CELSR2: variants seen among roughly 807,000 people sequenced by gnomAD.
CELSR2 encodes cadherin EGF LAG seven-pass G-type receptor 2, also known as EGF-like protein 2.
Under a neutral mutation model 251.6 loss-of-function variants are expected in CELSR2, and 81 were observed. The observed-to-expected ratio is 0.32, with a 90% CI of 0.27 to 0.39. CELSR2 has a LOEUF of 0.39. CELSR2 is among the 10% of genes least tolerant of loss of function. CELSR2 has a pLI of 1.00. For synonymous variants in CELSR2, 1,721 were observed against 1,670.5 expected (o/e 1.03, Z -0.74); for missense variants, 3,365 against 3,947.7 (o/e 0.85, Z 3.96).
intron 1 of CELSR2, among the ~76,000 whole-genome samples, chr1:109,256,695 A>G (rs1655857662): frequency 6.6e-6 from 1 of 152,082 alleles, no homozygotes. Flanking sequence ...AGGCTGGAGT[A>G]CAATGGCGCG....
At position 109,268,931 on chromosome 1, in the gene CELSR2, C is replaced by T. The variant is rs1487523107; in HGVS notation, c.6554C>T (p.Pro2185Leu). ...GGGAACTTTGCTGGGGCCAAGCTGCCCCGCTACGAGGCCCTGCGTGGGGAG... is the reference window on the plus strand; with the variant it reads ...GGGAACTTTGCTGGGGCCAAGCTGCTCCGCTACGAGGCCCTGCGTGGGGAG... The part of the protein sequence containing the change: ...DKGNFAGAKL[P>L]RYEALRGEQP... Residue 2185 changes from proline to leucine, a missense_variant, in exon 19 of 34, where the codon CCC becomes CTC. Transcript: ENST00000271332. The T allele has an allele frequency of 6.2e-7, 1 of 1,613,476 alleles. No homozygotes were observed. The highest frequency in any genetic ancestry group is 8.5e-7 in the Non-Finnish European group (1 of 1,179,534).
rs779546356 is a variant in CELSR2 at position 109,250,185 on chromosome 1, C to A, written c.106C>A (p.Pro36Thr). The change falls in exon 1 of 34, where the codon CCC becomes ACC. Residue 36 changes from proline to threonine, a missense_variant. Physicochemically the swap from Pro to Thr is conservative, Grantham distance 38 (BLOSUM62 -1). Transcript: ENST00000271332. The surrounding 1 kb of genome is among the most constrained non-coding windows in gnomAD (Gnocchi z 4.4). ...PPPLLGDQVG[P>T]CRSLGSRGRG... is the part of the protein sequence containing the mutation. ...GCCACTATTGGGAGACCAAGTGGGGCCCTGTCGTTCCTTGGGGTCCAGGGG... is the reference window on the plus strand; with the variant it reads ...GCCACTATTGGGAGACCAAGTGGGGACCTGTCGTTCCTTGGGGTCCAGGGG... 6.2e-6 allele frequency: 10 copies of A among 1,600,164 alleles called. No homozygotes were observed. The Admixed American group carries it at 1.8e-4, about 28-fold the overall frequency.
rs611917 is a variant in CELSR2, at chr1:109,272,630, A to C, written c.8055-10A>C. 2 of 1,611,292 alleles carry C rather than the reference A, an allele frequency of 1.2e-6. No homozygotes were observed. The highest frequency in any genetic ancestry group is 1.7e-6 in the Non-Finnish European group (2 of 1,178,348). ...AGGCTGACCCCTCCAGCATGGTCTCATCTTCCTAGGGAGGAGTCCGCACTG... is the reference window on the plus strand; with the variant it reads ...AGGCTGACCCCTCCAGCATGGTCTCCTCTTCCTAGGGAGGAGTCCGCACTG... On this transcript the variant is annotated splice_polypyrimidine_tract_variant and intron_variant, in intron 29 of 33. Coordinates refer to ENST00000271332, the MANE Select transcript of CELSR2 (RefSeq NM_001408.3).
Position 109,268,766 on chromosome 1 carries a change from T to G in CELSR2, c.6502+2T>G, listed in dbSNP as rs1199651691. 6.3e-7 allele frequency: 1 copy of G among 1,596,156 alleles called. No homozygotes were observed. The highest frequency in any genetic ancestry group is 1.1e-5 in the South Asian group (1 of 90,016). On this transcript the variant is annotated splice_donor_variant, in intron 18 of 33. Transcript: ENST00000271332. LOFTEE classifies it high-confidence loss of function. The stretch of plus-strand genomic sequence containing the variant: ...TCACCATCGTCACGCCCAACATTGG[T>G]AAGGCTGGTGCCTGGGTTGGGGAGG...
Position 109,271,268 on chromosome 1 carries a change from C to G in CELSR2, c.7648C>G (p.Arg2550Gly). ...LAARASCAAQ[R>G]QGFEKKGPVS... ...GGCCCGGGCCTCCTGTGCTGCCCAGCGGCAGGGCTTTGAGAAGAAAGGTCC... is the reference window on the plus strand; with the variant it reads ...GGCCCGGGCCTCCTGTGCTGCCCAGGGGCAGGGCTTTGAGAAGAAAGGTCC... Residue 2550 changes from arginine (R) to glycine (G), a missense_variant, in exon 26 of 34, where the codon CGG (arginine) becomes GGG (glycine). Transcript: ENST00000271332. The G allele has an allele frequency of 6.2e-7, 1 of 1,613,968 alleles. No individual in the cohort carries two copies.
At chr1:109,258,173 G>A (rs747951120) in intron 1 of CELSR2, among the ~76,000 whole-genome samples, 3 of 152,162 alleles carry the variant, frequency 2.0e-5, no homozygotes, top group Non-Finnish European at 2.9e-5. Context: ...GAGCAGGAGC[G>A]GTGGCTTGGG....
rs200555051 is a variant in CELSR2, at chr1:109,261,021, C to A, written c.3959-21C>A. 2 of 1,585,610 alleles carry A rather than the reference C, an allele frequency of 1.3e-6. No homozygotes were observed. Among genetic ancestry groups the A allele is most frequent in the East Asian group, 2.2e-5 (1 of 44,618 alleles). ...CCTGTCCTCAGGTACTTGGTACTCA[C>A]CTGCCTTTCCTCTTGTCCAGGTGAG... On this transcript the variant is annotated intron_variant, in intron 2 of 33. Transcript: ENST00000271332. This position sits in a 1 kb window ranked among gnomAD's most constrained non-coding sequence, Gnocchi z 4.8.
intron 9 of CELSR2, 94 bp from the exon 10 acceptor site, chr1:109,263,984 G>A: frequency 6.8e-7 from 1 of 1,471,478 alleles, no homozygotes; most frequent in Non-Finnish European, 9.1e-7. Context: ...CTGGGCAGCG[G>A]GATGGGTTTG....
chr1:109,265,050 G>A, intron 12 of CELSR2, 41 bp downstream of exon 12: 3 of 1,613,204 alleles, frequency 1.9e-6, no homozygotes, highest in Middle Eastern at 1.7e-4. Flanking sequence ...CCCAGTGGCT[G>A]CTGCTTCTCT....
Position 109,252,616 on chromosome 1 carries a change from T to C in CELSR2, c.2537T>C (p.Leu846Pro). Reference protein sequence around the residue: ...QISATDRDSGLNGRVFYTFQG... With the variant: ...QISATDRDSGPNGRVFYTFQG... Reference sequence around the variant, plus strand: ...TCAGCCACTGATCGTGATTCTGGACTTAATGGCAGGGTCTTCTACACCTTC... The same window carrying C: ...TCAGCCACTGATCGTGATTCTGGACCTAATGGCAGGGTCTTCTACACCTTC... Residue 846 changes from leucine to proline, a missense_variant, in exon 1 of 34, where the codon CTT becomes CCT. Leu to Pro is a moderately conservative substitution (Grantham distance 98). This residue lies in a region of CELSR2 where 505 missense variants were observed against 660.0 expected (regional missense o/e 0.77). Coordinates refer to ENST00000271332, the MANE Select transcript of CELSR2 (RefSeq NM_001408.3). The surrounding 1 kb of genome is among the most constrained non-coding windows in gnomAD (Gnocchi z 4.8). 1 of 1,613,924 alleles carries C rather than the reference T, an allele frequency of 6.2e-7. No individual in the cohort carries two copies. Among genetic ancestry groups the C allele is most frequent in the Non-Finnish European group, 8.5e-7 (1 of 1,180,040 alleles).
In CELSR2 at chr1:109,265,788, C is replaced by T. The variant is rs775573123; in HGVS notation, c.5781C>T (p.Tyr1927=). Residue 1927 remains tyrosine, a synonymous_variant, in exon 14 of 34, where the codon TAC becomes TAT. Transcript: ENST00000271332. ...CCACCTGCCTCTTGTGTGACTGCTA[C>T]CCCACAGGCTCCTTGTCCAGAGTCT... ...GSPTCLLCDC[Y]PTGSLSRVCD... The T allele has an allele frequency of 3.1e-6, 5 of 1,613,932 alleles. No individual in the cohort carries two copies. Among genetic ancestry groups the T allele is most frequent in the Middle Eastern group, 1.6e-4 (1 of 6,082 alleles).
rs1570776148 is a variant in CELSR2, at chr1:109,253,220, C to T, written c.3141C>T (p.Gly1047=). 6.2e-7 allele frequency: 1 copy of T among 1,613,478 alleles called. No homozygotes were observed. The highest frequency in any genetic ancestry group is 1.3e-5 in the African/African-American group (1 of 75,050). ...GCAGCTTCCCTGGGGGTGCCATTGG[C>T]CGAGTACCTGCCCATGACCCTGATA... ...RSSSFPGGAI[G]RVPAHDPDIS... The change falls in exon 1 of 34, where the codon GGC becomes GGT. Residue 1047 remains glycine (G), a synonymous_variant. Coordinates refer to ENST00000271332, the MANE Select transcript of CELSR2 (RefSeq NM_001408.3).
At position 109,249,887 on chromosome 1, in the gene CELSR2, TG is replaced by T; in HGVS notation, c.-190del. 2.7e-6 allele frequency: 1 copy of T among 367,342 alleles called. No individual in the cohort carries two copies. The highest frequency in any genetic ancestry group is 4.2e-6 in the Non-Finnish European group (1 of 235,714). The allele number at this position is 367,342 out of a possible 1,614,324, so 22.8% of individuals were successfully genotyped here. ...GGAGCGGGTCTGGCTCAGGGGGCAG[TG>T]GGAGCCCGGGCTCGTCGGAGGGTGC... is the stretch of plus-strand genomic sequence containing the variant. On this transcript the variant is annotated 5_prime_UTR_variant, in exon 1 of 34. Coordinates refer to ENST00000271332, the MANE Select transcript of CELSR2 (RefSeq NM_001408.3).
intron 6 of CELSR2, 69 bp downstream of exon 6, chr1:109,262,513 A>G: frequency 6.4e-7 from 1 of 1,570,352 alleles, no homozygotes. Flanking sequence ...GAAGGTGGAG[A>G]GGGTGGGCTT....
At position 109,261,941 on chromosome 1, in the gene CELSR2, C is replaced by T; in HGVS notation, c.4386+45C>T. 1 of 1,532,282 alleles carries T rather than the reference C, an allele frequency of 6.5e-7. No homozygotes were observed. Among genetic ancestry groups the T allele is most frequent in the Admixed American group, 2.0e-5 (1 of 51,236 alleles). 94.9% of individuals were successfully genotyped at this position (1,532,282 alleles called of 1,614,324 possible). A position where few individuals can be genotyped will look rare whatever the true frequency, so the allele number is the denominator to read the frequency against. The stretch of plus-strand genomic sequence containing the variant: ...AGGGTTGGGGGTTCTGTTCTTGCCT[C>T]AGGTGCTTACCCAGCCCTGAGTGGC... On this transcript the variant is annotated intron_variant, in intron 5 of 33. Transcript: ENST00000271332. The surrounding 1 kb of genome is among the most constrained non-coding windows in gnomAD (Gnocchi z 4.8).
chr1:109,268,558 C>T (rs751239000), intron 17 of CELSR2, 23 bp from the exon 18 acceptor site: 21 of 1,589,712 alleles, frequency 1.3e-5, no homozygotes, highest in Non-Finnish European at 1.8e-5. Context: ...TGAGCACACC[C>T]ACCGTGACCT....
intron 23 of CELSR2, 131 bp from the exon 24 acceptor site, chr1:109,270,295 C>A: frequency 7.8e-7 from 1 of 1,285,484 alleles, no homozygotes; most frequent in South Asian, 1.3e-5. Flanking sequence ...GATCCCCCAG[C>A]ACCTGCCTCT....
Position 109,273,416 on chromosome 1 carries a change from A to G in CELSR2, c.8510-20A>G. On this transcript the variant is annotated intron_variant, in intron 32 of 33. Coordinates refer to ENST00000271332, the MANE Select transcript of CELSR2 (RefSeq NM_001408.3). Reference sequence around the variant, plus strand: ...ACATTCTCCTGTGGCCGCACCTCACAGCCCCGCCCCGGCCCACAGGCATCC... The same window carrying G: ...ACATTCTCCTGTGGCCGCACCTCACGGCCCCGCCCCGGCCCACAGGCATCC... 1 of 1,608,620 alleles carries G rather than the reference A, an allele frequency of 6.2e-7. No homozygotes were observed. The highest frequency in any genetic ancestry group is 8.5e-7 in the Non-Finnish European group (1 of 1,177,588).
At chr1:109,263,484 C>G (rs1208691006) in intron 8 of CELSR2, 127 bp from the exon 9 acceptor site, 6 of 1,438,180 alleles carry the variant, frequency 4.2e-6, no homozygotes, top group Non-Finnish European at 5.7e-6. Context: ...CAGGTACGCA[C>G]TTTGGAGGGC....
Sources: allele counts gnomAD v4.1 joint callset (sites outside exome capture counted in the v4.1 genomes callset), GRCh38; gene constraint gnomAD v4.1.1; regional missense constraint gnomAD v4.1.1; non-coding constraint Gnocchi (gnomAD v3.1); transcripts MANE v1.5; gene names NCBI Gene and HGNC (gene_info 2026-07-23, HGNC 2026-07-21).